The following OSBPL9 variants were observed in gnomAD, a reference collection of about 807,000 sequenced individuals.
The protein encoded by OSBPL9 is oxysterol-binding protein-related protein 9.
In OSBPL9, 40 loss-of-function variants were observed where a neutral mutation model predicts 106.6. That is an observed-to-expected ratio of 0.38 (90% CI 0.29 to 0.49). OSBPL9 has a LOEUF of 0.49. OSBPL9 is among the 20% of genes least tolerant of loss of function. The pLI is 0.97. For synonymous variants in OSBPL9, 269 were observed against 295.4 expected, an observed-to-expected ratio of 0.91 and a Z score of 0.92; for missense variants, 609 against 887.2, an observed-to-expected ratio of 0.69 and a Z score of 3.98.
intron 4 of OSBPL9, 112 bp downstream of exon 4, chr1:51,714,191 T>G: frequency 1.4e-6 from 1 of 716,836 alleles, no homozygotes; most frequent in Non-Finnish European, 2.2e-6. Context: ...TAGGAACTTA[T>G]AATTTCTGAG....
intron 4 of OSBPL9, among the ~76,000 whole-genome samples, chr1:51,737,943 G>T (rs563932474): frequency 1.3e-5 from 2 of 152,010 alleles, no homozygotes; most frequent in Non-Finnish European, 2.9e-5. Context: ...GAAGGAGGCT[G>T]CTAATAATAA....
the OSBPL9 span, among the ~76,000 whole-genome samples, chr1:51,549,808 G>A: frequency 6.6e-6 from 1 of 152,244 alleles, no homozygotes. Flanking sequence ...ACTCCAGCCT[G>A]GGCAACAGAG....
chr1:51,520,262 C>G, the OSBPL9 span, among the ~76,000 whole-genome samples: 1 of 152,144 alleles, frequency 6.6e-6, no homozygotes, highest in African/African-American at 2.4e-5. Context: ...GGCCTTCGTT[C>G]CTGCCTATAT....
chr1:51,648,003 A>G (rs1318277112), intron 1 of OSBPL9, among the ~76,000 whole-genome samples: 1 of 152,194 alleles, frequency 6.6e-6, no homozygotes, highest in Non-Finnish European at 1.5e-5. Context: ...AAAAGACAGT[A>G]GCATTCATTT....
chr1:51,614,118 C>T (rs978445461), upstream of OSBPL9, among the ~76,000 whole-genome samples: 6 of 152,094 alleles, frequency 3.9e-5, no homozygotes, highest in African/African-American at 1.4e-4. Flanking sequence ...CTACCTTATT[C>T]CCAGAAACCT....
chr1:51,518,403 G>C, the OSBPL9 span: 543 of 152,594 alleles, frequency 3.6e-3, 1 homozygote, highest in Non-Finnish European at 6.4e-3. Flanking sequence ...GACTGGCGGA[G>C]CCACCACACC....
intron 2 of OSBPL9, among the ~76,000 whole-genome samples, chr1:51,656,875 G>A (rs1296754159): frequency 2.6e-5 from 4 of 151,778 alleles, no homozygotes; most frequent in African/African-American, 7.3e-5. Context: ...TGTTGCCCAG[G>A]CAGTCTTGCT....
chr1:51,576,069 G>C (rs1645182131), upstream of OSBPL9, among the ~76,000 whole-genome samples: 1 of 152,122 alleles, frequency 6.6e-6, no homozygotes, highest in Non-Finnish European at 1.5e-5. Context: ...TCCTTAGGAG[G>C]GCTCCCATGT....
At chr1:51,602,183 G>A (rs1403613221) in intron 2 of OSBPL9, among the ~76,000 whole-genome samples, 1 of 151,552 alleles carries the variant, frequency 6.6e-6, no homozygotes, top group Admixed American at 6.6e-5. Context: ...ACTGTGCCCA[G>A]CTAATGTTTT....
chr1:51,693,403 GAA>G, intron 3 of OSBPL9, among the ~76,000 whole-genome samples: 1 of 150,768 alleles, frequency 6.6e-6, no homozygotes, highest in East Asian at 1.9e-4. Context: ...GAGAGAGAGA[GAA>G]AAGAAAAGAA....
At chr1:51,664,321 A>G (rs1647890966) in intron 2 of OSBPL9, among the ~76,000 whole-genome samples, 1 of 152,188 alleles carries the variant, frequency 6.6e-6, no homozygotes, top group African/African-American at 2.4e-5. Context: ...AACAATATGG[A>G]TGAATCTTAC....
chr1:51,616,307 G>T (rs1644057690), upstream of OSBPL9, among the ~76,000 whole-genome samples: 1 of 152,068 alleles, frequency 6.6e-6, no homozygotes, highest in South Asian at 2.1e-4. Flanking sequence ...AATTGCCCCT[G>T]TAGGCTGTTA....
At chr1:51,553,668 C>A in the OSBPL9 span, among the ~76,000 whole-genome samples, 1 of 152,042 alleles carries the variant, frequency 6.6e-6, no homozygotes, top group African/African-American at 2.4e-5. Context: ...ATAGCAAGAT[C>A]CCATCTCTAA....
chr1:51,739,801 A>T (rs543700886), intron 4 of OSBPL9, among the ~76,000 whole-genome samples: 1 of 152,168 alleles, frequency 6.6e-6, no homozygotes, highest in Admixed American at 6.5e-5. Context: ...CCAAATTTTC[A>T]GTAATCCAAG....
At chr1:51,640,720 T>C (rs1052215551) in intron 1 of OSBPL9, among the ~76,000 whole-genome samples, 2 of 152,148 alleles carry the variant, frequency 1.3e-5, no homozygotes, top group Non-Finnish European at 2.9e-5. Context: ...CAGACATTTA[T>C]CTATTAATAA....
intron 1 of OSBPL9, among the ~76,000 whole-genome samples, chr1:51,581,307 G>C (rs183481943): frequency 2.0e-5 from 3 of 152,178 alleles, no homozygotes; most frequent in Admixed American, 1.3e-4. Context: ...AGACCACAGA[G>C]GTAAACGGCC....
chr1:51,787,107 ATTC>A (rs2149169298), intron 22 of OSBPL9, among the ~76,000 whole-genome samples: 1 of 152,272 alleles, frequency 6.6e-6, no homozygotes, highest in East Asian at 1.9e-4. Context: ...AGCTTCCACT[ATTC>A]TTTTTCTTCT....
intron 1 of OSBPL9, among the ~76,000 whole-genome samples, chr1:51,630,928 T>C (rs1363430916): frequency 6.6e-6 from 1 of 152,244 alleles, no homozygotes; most frequent in Non-Finnish European, 1.5e-5. Flanking sequence ...TTTATGTTTT[T>C]TATTTTAAGC....
intron 2 of OSBPL9, 134 bp from the exon 3 acceptor site, chr1:51,669,300 T>C (rs749088487): frequency 4.3e-6 from 3 of 694,992 alleles, no homozygotes; most frequent in Non-Finnish European, 7.3e-6. Context: ...AAAACTAGAG[T>C]CTCAGTTTCC....
Sources: allele counts gnomAD v4.1 joint callset (sites outside exome capture counted in the v4.1 genomes callset), GRCh38; gene constraint gnomAD v4.1.1; transcripts MANE v1.5; gene names NCBI Gene and HGNC (gene_info 2026-07-23, HGNC 2026-07-21).